The following RALYL variants were observed in gnomAD, a reference collection of about 807,000 sequenced individuals.
The protein encoded by RALYL is RNA-binding Raly-like protein.
A neutral mutation model predicts 35.1 loss-of-function variants in RALYL; 29 were observed. The ratio of observed to expected loss-of-function variants is 0.83; its 90% CI spans 0.61 to 1.13. RALYL has a LOEUF of 1.13. Among genes scored for constraint, RALYL ranks in the 50% most tolerant of loss-of-function variants. The pLI is 0.00. For missense variants in RALYL, 359 were observed against 360.4 expected, an observed-to-expected ratio of 1.00 and a Z score of 0.03; for synonymous variants, 120 against 127.6, an observed-to-expected ratio of 0.94 and a Z score of 0.40.
At chr8:84,385,996 C>G (rs1214236202) in intron 1 of RALYL, among the ~76,000 whole-genome samples, 2 of 151,864 alleles carry the variant, frequency 1.3e-5, no homozygotes, top group Non-Finnish European at 1.5e-5. Flanking sequence ...AACTTTCACT[C>G]TGTCTCTCTC....
chr8:84,227,482 T>C (rs1011626901), intron 1 of RALYL, among the ~76,000 whole-genome samples: 14 of 152,346 alleles, frequency 9.2e-5, no homozygotes, highest in East Asian at 3.9e-4. Context: ...AATAGTTTCA[T>C]TGAGAGAGAA....
At chr8:84,192,626 C>T (rs374482451) in intron 1 of RALYL, among the ~76,000 whole-genome samples, 2 of 151,550 alleles carry the variant, frequency 1.3e-5, no homozygotes, top group Non-Finnish European at 1.5e-5. Flanking sequence ...GACACGATTT[C>T]GGCTCACTGC....
rs1340451442 is a variant in RALYL at position 84,780,289 on chromosome 8, T to C, written c.332+5635T>C. Among the ~76,000 whole-genome samples, 5 of 152,170 alleles carry C rather than the reference T, an allele frequency of 3.3e-5. 1 individual carries two copies. Among genetic ancestry groups the C allele is most frequent in the African/African-American group, 4.8e-5 (2 of 41,440 alleles). On this transcript the variant is annotated intron_variant, in intron 3 of 8. Transcript: ENST00000521268. ...CCCAAACACTGACCTGCCTCCCTGG[T>C]TTACTTTGAATGTATGTTATTGCTT...
At chr8:84,606,555 TATTTA>T (rs1171843382) in intron 2 of RALYL, among the ~76,000 whole-genome samples, 1 of 152,184 alleles carries the variant, frequency 6.6e-6, no homozygotes, top group African/African-American at 2.4e-5. Flanking sequence ...TAGTTGAATA[TATTTA>T]ATTTAATTTT....
intron 2 of RALYL, among the ~76,000 whole-genome samples, chr8:84,745,052 A>T (rs1312565614): frequency 6.8e-6 from 1 of 147,822 alleles, no homozygotes; most frequent in African/African-American, 2.5e-5. Context: ...GCAACACCCC[A>T]CTCCCAAAAC....
At chr8:84,563,506 A>C (rs2061589660) in intron 2 of RALYL, among the ~76,000 whole-genome samples, 1 of 151,776 alleles carries the variant, frequency 6.6e-6, no homozygotes, top group African/African-American at 2.4e-5. Context: ...TAGAAGAACC[A>C]GTAGTTTGGG....
At chr8:84,362,227 C>T (rs920179563) in intron 1 of RALYL, among the ~76,000 whole-genome samples, 3 of 152,056 alleles carry the variant, frequency 2.0e-5, no homozygotes, top group Non-Finnish European at 4.4e-5. Flanking sequence ...CTTAAATTGC[C>T]TTACCATGGT....
At chr8:84,920,191 A>T (rs1425868030) in intron 8 of RALYL, among the ~76,000 whole-genome samples, 1 of 152,154 alleles carries the variant, frequency 6.6e-6, no homozygotes, top group Non-Finnish European at 1.5e-5. Context: ...TTGATGGGAT[A>T]ACAGTAGGTC....
intron 1 of RALYL, among the ~76,000 whole-genome samples, chr8:84,515,121 A>G (rs995502149): frequency 6.6e-6 from 1 of 152,152 alleles, no homozygotes; most frequent in Non-Finnish European, 1.5e-5. Context: ...AGTTAAAGTC[A>G]TTACTGTTTA....
intron 2 of RALYL, among the ~76,000 whole-genome samples, chr8:84,550,223 C>T (rs776395256): frequency 2.1e-4 from 32 of 152,028 alleles, no homozygotes; most frequent in Non-Finnish European, 4.0e-4. Context: ...CTATCCTTCT[C>T]CCTCTCTCTC....
At chr8:84,690,968 C>T (rs2132147676) in intron 2 of RALYL, among the ~76,000 whole-genome samples, 1 of 152,054 alleles carries the variant, frequency 6.6e-6, no homozygotes, top group Middle Eastern at 3.4e-3. Context: ...TAACTACTTT[C>T]AAATGGTGGA....
intron 6 of RALYL, among the ~76,000 whole-genome samples, chr8:84,870,463 T>A (rs973399759): frequency 5.9e-5 from 9 of 151,702 alleles, no homozygotes; most frequent in African/African-American, 2.2e-4. Flanking sequence ...TTACCATGTT[T>A]GTGTATAATT....
intron 2 of RALYL, among the ~76,000 whole-genome samples, chr8:84,627,354 A>G (rs750576417): frequency 6.7e-6 from 1 of 149,574 alleles, no homozygotes; most frequent in East Asian, 2.0e-4. Flanking sequence ...ATGTTTTTAT[A>G]CTAAGGCATA....
intron 7 of RALYL, among the ~76,000 whole-genome samples, chr8:84,885,242 G>T (rs1842770342): frequency 6.6e-6 from 1 of 151,862 alleles, no homozygotes; most frequent in African/African-American, 2.4e-5. Flanking sequence ...AGAGTGTTTT[G>T]GTCTTTCTTG....
chr8:84,666,076 T>G (rs1831968279), intron 2 of RALYL, among the ~76,000 whole-genome samples: 1 of 152,066 alleles, frequency 6.6e-6, no homozygotes, highest in African/African-American at 2.4e-5. Context: ...GATATGCTTT[T>G]AGATCTGTAT....
intron 1 of RALYL, chr8:84,185,248 C>T (rs1026425634): frequency 5.3e-6 from 3 of 567,072 alleles, no homozygotes; most frequent in Admixed American, 3.0e-5. Context: ...TAAAAAAATG[C>T]CTTTTATTTA....
chr8:84,622,227 G>T (rs1251751562), intron 2 of RALYL, among the ~76,000 whole-genome samples: 3 of 152,130 alleles, frequency 2.0e-5, no homozygotes, highest in Non-Finnish European at 4.4e-5. Context: ...GTCATACGTG[G>T]TAATAACCTG....
chr8:84,846,780 T>A (rs1834759215), intron 4 of RALYL, among the ~76,000 whole-genome samples: 1 of 152,222 alleles, frequency 6.6e-6, no homozygotes, highest in South Asian at 2.1e-4. Flanking sequence ...TTTCTCTAGA[T>A]GTCCTATTTT....
chr8:84,664,137 C>T (rs34069127), intron 2 of RALYL, among the ~76,000 whole-genome samples: 120 of 151,910 alleles, frequency 7.9e-4, no homozygotes, highest in Middle Eastern at 3.4e-3. Context: ...GGTGTGTGGA[C>T]TTATTTCTGG....
Sources: gnomAD v4.1 joint callset for allele counts (sites outside exome capture counted in the v4.1 genomes callset) on GRCh38, gnomAD v4.1.1 for gene constraint, MANE v1.5 for transcripts, NCBI Gene and HGNC (gene_info 2026-07-23, HGNC 2026-07-21) for gene names.